POMT2: variants seen among roughly 807,000 people sequenced by gnomAD.
The protein encoded by POMT2 is protein O-mannosyl-transferase 2.
In POMT2, 75 loss-of-function variants were observed where a neutral mutation model predicts 100.0. That is an observed-to-expected ratio of 0.75 (90% CI 0.62 to 0.91). POMT2 has a LOEUF of 0.91. POMT2 is among the 40% of genes least tolerant of loss of function. POMT2 has a pLI of 0.00. For missense variants in POMT2, 940 were observed against 955.1 expected (o/e 0.98, Z 0.21); for synonymous variants, 378 against 374.1 (o/e 1.01, Z -0.12).
chr14:77,291,169 T>C (rs1890626164), intron 10 of POMT2, 145 bp downstream of exon 10: 10 of 758,008 alleles, frequency 1.3e-5, no homozygotes, highest in Middle Eastern at 2.4e-4. Flanking sequence ...TAAATAATAA[T>C]TGAAAGGATA....
intron 15 of POMT2, 114 bp from the exon 16 acceptor site, chr14:77,280,577 C>T (rs1890183537): frequency 6.4e-7 from 1 of 1,561,364 alleles, no homozygotes; most frequent in African/African-American, 1.4e-5. Flanking sequence ...ACCTTCTCTC[C>T]TTCCCTTCCC....
chr14:77,320,824 C>G lies in POMT2; in HGVS notation c.-143G>C, dbSNP rs889944706. 4.4e-6 allele frequency: 6 copies of G among 1,373,584 alleles called. No individual in the cohort carries two copies. Among genetic ancestry groups the G allele is most frequent in the Non-Finnish European group, 5.6e-6 (6 of 1,069,742 alleles). 85.1% of individuals were successfully genotyped at this position (1,373,584 alleles called of 1,614,324 possible). On this transcript the variant is annotated 5_prime_UTR_variant, in exon 1 of 21. Transcript: ENST00000261534. The stretch of plus-strand genomic sequence containing the variant: ...CTGCAGCGGAGCGCGGGGCCCCGGG[C>G]TCGGGGCGGGGCGGGCAGCGTGGTC...
chr14:77,295,104 C>T (rs1890775632), intron 9 of POMT2, among the ~76,000 whole-genome samples: 2 of 152,130 alleles, frequency 1.3e-5, no homozygotes, highest in South Asian at 4.1e-4. Flanking sequence ...TCTACTATAA[C>T]ACAGGCCTCT....
intron 1 of POMT2, among the ~76,000 whole-genome samples, chr14:77,317,819 G>A (rs796703141): frequency 2.6e-5 from 4 of 152,346 alleles, no homozygotes; most frequent in Non-Finnish European, 2.9e-5. Flanking sequence ...CTGGGAGGAG[G>A]AGGCTATCTA....
chr14:77,279,591 T>C (rs747171476), intron 18 of POMT2: 2 of 658,650 alleles, frequency 3.0e-6, no homozygotes, highest in African/African-American at 1.8e-5. Flanking sequence ...GGTTTCCTAA[T>C]CCATAAAATG....
chr14:77,285,768 G>A lies in POMT2; in HGVS notation c.1333-136C>T, dbSNP rs572946741. 6.6e-4 allele frequency: 695 copies of A among 1,056,678 alleles called. 2 individuals are homozygous for A. Among genetic ancestry groups the A allele is most frequent in the Non-Finnish European group, 9.2e-4 (634 of 689,380 alleles). 65.5% of individuals were successfully genotyped at this position (1,056,678 alleles called of 1,614,324 possible). ...CCAAATTAGGCTCAATGATAGAGAT[G>A]GGCAAGGTTACAAGAAGGCCAAAGA... is the stretch of plus-strand genomic sequence containing the variant. On this transcript the variant is annotated intron_variant, in intron 12 of 20. Transcript: ENST00000261534.
At position 77,285,486 on chromosome 14, in the gene POMT2, G is replaced by A. The variant is rs769462000; in HGVS notation, c.1479C>T (p.Pro493=). The change falls in exon 13 of 21, where the codon CCC becomes CCT. Residue 493 remains proline, a synonymous_variant. Coordinates refer to ENST00000261534, the MANE Select transcript of POMT2 (RefSeq NM_013382.7). The part of the protein sequence containing the change: ...CVLGSSGKVL[P]KWGWEQLEVT... Reference sequence around the variant, plus strand: ...GCAAAACCCTAGAGACTTACCACTTGGGCAGAACCTTTCCCGAGGAGCCCA... The same window carrying A: ...GCAAAACCCTAGAGACTTACCACTTAGGCAGAACCTTTCCCGAGGAGCCCA... 1.9e-6 allele frequency: 3 copies of A among 1,614,030 alleles called. No individual in the cohort carries two copies. Among genetic ancestry groups the A allele is most frequent in the Non-Finnish European group, 2.5e-6 (3 of 1,179,962 alleles).
At chr14:77,320,211 C>T in intron 1 of POMT2, 2 of 716,948 alleles carry the variant, frequency 2.8e-6, no homozygotes, top group Non-Finnish European at 4.6e-6. Flanking sequence ...ATGAGGGCTG[C>T]TTCCTCAGAT....
Position 77,291,393 on chromosome 14 carries a change from T to TG in POMT2, c.1117-14dup. 2.2e-6 allele frequency: 1 copy of TG among 449,402 alleles called. No homozygotes were observed. The highest frequency in any genetic ancestry group is 3.8e-6 in the Non-Finnish European group (1 of 265,230). The allele number at this position is 449,402 out of a possible 1,614,324, so 27.8% of individuals were successfully genotyped here. ...AATAGGTGGTGACCTGGGTGGGGGGTGGGGGCGGAGGGAAGAGGAAGCAGG... is the reference window on the plus strand; with the variant it reads ...AATAGGTGGTGACCTGGGTGGGGGGTGGGGGGCGGAGGGAAGAGGAAGCAGG... On this transcript the variant is annotated splice_polypyrimidine_tract_variant and intron_variant, in intron 9 of 20. Transcript: ENST00000261534.
At chr14:77,308,022 C>T (rs1037519572) in intron 2 of POMT2, among the ~76,000 whole-genome samples, 3 of 151,594 alleles carry the variant, frequency 2.0e-5, no homozygotes, top group South Asian at 2.1e-4. Context: ...CCACCACGCC[C>T]GGCTAATTTT....
chr14:77,292,226 G>A (rs1449223895), intron 9 of POMT2, among the ~76,000 whole-genome samples: 2 of 152,112 alleles, frequency 1.3e-5, no homozygotes. Flanking sequence ...TAACATGATA[G>A]TATGTCCTGG....
At chr14:77,284,922 A>G (rs765491065) in intron 14 of POMT2, 28 bp downstream of exon 14, 2 of 1,552,864 alleles carry the variant, frequency 1.3e-6, no homozygotes, top group Non-Finnish European at 1.8e-6. Flanking sequence ...TTCCCTCCAG[A>G]GCCAGCCCAG....
intron 20 of POMT2, 33 bp downstream of exon 20, chr14:77,278,361 C>A: frequency 6.9e-7 from 1 of 1,439,550 alleles, no homozygotes; most frequent in Non-Finnish European, 9.6e-7. Flanking sequence ...TGAGCCCACA[C>A]TGGGAGGGCA....
chr14:77,319,608 A>C (rs1299371251), intron 1 of POMT2: 1 of 152,284 alleles, frequency 6.6e-6, no homozygotes, highest in African/African-American at 2.4e-5. Flanking sequence ...ATAAAACAGC[A>C]GATTTTCCAA....
At chr14:77,292,511 C>T (rs760254957) in intron 9 of POMT2, among the ~76,000 whole-genome samples, 1 of 152,112 alleles carries the variant, frequency 6.6e-6, no homozygotes. Context: ...AAACCAGGGC[C>T]GCAAAATAAA....
intron 9 of POMT2, among the ~76,000 whole-genome samples, chr14:77,294,163 A>C (rs1890739989): frequency 6.6e-6 from 1 of 152,232 alleles, no homozygotes; most frequent in Non-Finnish European, 1.5e-5. Context: ...ATTAAGGATA[A>C]GAAACTGATA....
chr14:77,280,265 T>G, intron 16 of POMT2, 127 bp downstream of exon 16: 1 of 1,560,158 alleles, frequency 6.4e-7, no homozygotes, highest in Non-Finnish European at 8.7e-7. Flanking sequence ...TACTCCCACC[T>G]CTGGCCAACC....
chr14:77,293,961 G>A (rs1199439559), intron 9 of POMT2, among the ~76,000 whole-genome samples: 3 of 152,106 alleles, frequency 2.0e-5, no homozygotes, highest in Non-Finnish European at 4.4e-5. Flanking sequence ...TCTCTGCCCT[G>A]GGTGTACATG....
At chr14:77,286,051 G>A (rs1392045777) in intron 12 of POMT2, among the ~76,000 whole-genome samples, 4 of 152,314 alleles carry the variant, frequency 2.6e-5, no homozygotes, top group Non-Finnish European at 4.4e-5. Context: ...GTCTGGCCTG[G>A]CTATTGCACT....
Sources: allele counts gnomAD v4.1 joint callset (sites outside exome capture counted in the v4.1 genomes callset), GRCh38; gene constraint gnomAD v4.1.1; transcripts MANE v1.5; gene names NCBI Gene and HGNC (gene_info 2026-07-23, HGNC 2026-07-21).